KLHL12: variants seen among roughly 807,000 people sequenced by gnomAD.
KLHL12 encodes kelch-like protein 12.
Under a neutral mutation model 60.8 loss-of-function variants are expected in KLHL12, and 17 were observed. The ratio of observed to expected loss-of-function variants is 0.28; its 90% CI spans 0.19 to 0.42. The LOEUF is 0.42. Among genes scored for constraint, KLHL12 ranks in the 10% least tolerant of loss-of-function variants. The pLI is 1.00. For missense variants in KLHL12, 468 were observed against 722.3 expected (o/e 0.65, Z 4.04); for synonymous variants, 220 against 250.9 (o/e 0.88, Z 1.16).
chr1:202,919,641 A>C (rs1020070764), intron 3 of KLHL12, 114 bp downstream of exon 3: 8 of 973,770 alleles, frequency 8.2e-6, no homozygotes, highest in African/African-American at 1.7e-5. Context: ...TGGCCAGCAA[A>C]CATGAACATC....
chr1:202,892,800 G>A (rs1659718736), intron 11 of KLHL12, 141 bp from the exon 12 acceptor site: 1 of 723,344 alleles, frequency 1.4e-6, no homozygotes, highest in Non-Finnish European at 2.2e-6. Context: ...GGGCAACATG[G>A]TGAGACCCTG....
upstream of KLHL12, among the ~76,000 whole-genome samples, chr1:202,927,849 G>C (rs190288612): frequency 4.0e-3 from 611 of 151,470 alleles, 4 homozygotes; most frequent in African/African-American, 0.013. Context: ...GGGCGTTGTG[G>C]CACGCGCCTG....
chr1:202,896,806 T>C, intron 7 of KLHL12, 48 bp downstream of exon 7: 1 of 1,363,168 alleles, frequency 7.3e-7, no homozygotes, highest in Non-Finnish European at 1.1e-6. Flanking sequence ...AGGCAGAGAC[T>C]GAGGACATTT....
chr1:202,915,171 G>C (rs1660487221), intron 4 of KLHL12, among the ~76,000 whole-genome samples: 1 of 152,130 alleles, frequency 6.6e-6, no homozygotes, highest in Non-Finnish European at 1.5e-5. Flanking sequence ...GAACAGTCCT[G>C]TGTACTCAGC....
At chr1:202,912,251 G>C (rs1660385275) in intron 4 of KLHL12, 1 of 1,104,754 alleles carries the variant, frequency 9.1e-7, no homozygotes, top group South Asian at 1.2e-5. Context: ...GCAAGAAAAG[G>C]GGCTTTGCCT....
chr1:202,907,213 A>C (rs1359604500), intron 6 of KLHL12, among the ~76,000 whole-genome samples: 1 of 152,200 alleles, frequency 6.6e-6, no homozygotes, highest in Non-Finnish European at 1.5e-5. Context: ...AGTATCTTTG[A>C]GTGGTAAGAT....
intron 4 of KLHL12, chr1:202,911,767 C>A (rs996871264): frequency 1.5e-6 from 1 of 665,166 alleles, no homozygotes; most frequent in Admixed American, 2.4e-5. Context: ...TGCCTGTGGA[C>A]GCCGCCGAAG....
Position 202,927,117 on chromosome 1 carries a change from CG to C in KLHL12, c.-75del. The C allele has an allele frequency of 1.0e-6, 1 of 985,512 alleles. No homozygotes were observed. Among genetic ancestry groups the C allele is most frequent in the South Asian group, 4.7e-5 (1 of 21,284 alleles). The allele number at this position is 985,512 out of a possible 1,614,324, so 61.0% of individuals were successfully genotyped here. On this transcript the variant is annotated 5_prime_UTR_variant, in exon 1 of 12. Transcript: ENST00000367261. Reference sequence around the variant, plus strand: ...CGCTCCCGAACCCACACAGCCGCACCGGGCCCGTCCCCAGCCTGTGGGGATG... The same window carrying C: ...CGCTCCCGAACCCACACAGCCGCACCGGCCCGTCCCCAGCCTGTGGGGATG...
chr1:202,910,963 G>C (rs1377449726), intron 5 of KLHL12, 91 bp downstream of exon 5: 1 of 1,414,586 alleles, frequency 7.1e-7, no homozygotes, highest in African/African-American at 1.4e-5. Flanking sequence ...AGGAGACTCT[G>C]TGCCTACATT....
At position 202,899,205 on chromosome 1, in the gene KLHL12, C is replaced by T. The variant is rs139186973; in HGVS notation, c.833-2245G>A. Among the ~76,000 whole-genome samples, 627 of 151,866 alleles carry T rather than the reference C, an allele frequency of 4.1e-3. 3 individuals carry two copies. The highest frequency in any genetic ancestry group is 0.015 in the African/African-American group (601 of 41,392). The stretch of plus-strand genomic sequence containing the variant: ...GCGCACACCTGAAATCCCAACTACT[C>T]GGGTGGCTCAGGCATGAGAATGCTT... On this transcript the variant is annotated intron_variant, in intron 6 of 11. Transcript: ENST00000367261.
chr1:202,926,093 A>C (rs1458757966), intron 1 of KLHL12, among the ~76,000 whole-genome samples: 1 of 148,314 alleles, frequency 6.7e-6, no homozygotes, highest in Non-Finnish European at 1.5e-5. Context: ...CAACAGAGCG[A>C]GACTCTGTCT....
chr1:202,915,842 C>A (rs75132116), intron 4 of KLHL12, among the ~76,000 whole-genome samples: 370 of 152,324 alleles, frequency 2.4e-3, no homozygotes, highest in African/African-American at 8.5e-3. Context: ...AGAATGGAAG[C>A]TCCAGTGGAC....
Position 202,911,168 on chromosome 1 carries a change from G to A in KLHL12, c.603C>T (p.Ile201=), listed in dbSNP as rs1660342834. The A allele has an allele frequency of 1.2e-6, 2 of 1,613,950 alleles. No homozygotes were observed. Among genetic ancestry groups the A allele is most frequent in the African/African-American group, 1.3e-5 (1 of 74,908 alleles). Residue 201 remains isoleucine (I), a synonymous_variant, in exon 5 of 12, where the codon ATC becomes ATT. Coordinates refer to ENST00000367261, the MANE Select transcript of KLHL12 (RefSeq NM_021633.4). ...CTTTCTTGGCATGCTTCACCCAGTT[G>A]ATGACAGCCTCAAAGACTGGCTCTT... is the stretch of plus-strand genomic sequence containing the variant. The part of the protein sequence containing the change: ...DSEEPVFEAV[I]NWVKHAKKER...
Position 202,919,871 on chromosome 1 carries a change from C to A in KLHL12, c.233G>T (p.Gly78Val). 1 of 1,613,826 alleles carries A rather than the reference C, an allele frequency of 6.2e-7. No homozygotes were observed. The highest frequency in any genetic ancestry group is 8.5e-7 in the Non-Finnish European group (1 of 1,179,892). Residue 78 changes from glycine to valine, a missense_variant, in exon 3 of 12, where the codon GGT (glycine) becomes GTT (valine). Transcript: ENST00000367261. The stretch of plus-strand genomic sequence containing the variant: ...AATTTCCATGGTAGAGGCAGTCAAA[C>A]CTTGGATGTCAACATAAGGTTTCCC... ...EKGKPYVDIQGLTASTMEILL... is the reference protein window; with the variant it reads ...EKGKPYVDIQVLTASTMEILL...
intron 4 of KLHL12, among the ~76,000 whole-genome samples, chr1:202,914,349 A>G (rs563991411): frequency 1.3e-5 from 2 of 152,320 alleles, no homozygotes; most frequent in South Asian, 4.1e-4. Flanking sequence ...GAGCCACTGG[A>G]GAAATACTTG....
intron 1 of KLHL12, among the ~76,000 whole-genome samples, chr1:202,925,739 A>G (rs1238545025): frequency 6.6e-6 from 1 of 152,234 alleles, no homozygotes; most frequent in Admixed American, 6.5e-5. Context: ...CTCAGTAAAA[A>G]TAAACTTTTT....
chr1:202,927,413 T>C (rs1249483222), upstream of KLHL12, among the ~76,000 whole-genome samples: 1 of 149,686 alleles, frequency 6.7e-6, no homozygotes, highest in Non-Finnish European at 1.5e-5. Flanking sequence ...CAGGGAATGG[T>C]GGCTCACGCC....
At chr1:202,915,458 G>C (rs1557997178) in intron 4 of KLHL12, among the ~76,000 whole-genome samples, 1 of 152,096 alleles carries the variant, frequency 6.6e-6, no homozygotes, top group Non-Finnish European at 1.5e-5. Flanking sequence ...GCAAAGGGCA[G>C]TCTTGACACA....
chr1:202,904,160 A>G (rs1350089072), intron 6 of KLHL12, among the ~76,000 whole-genome samples: 2 of 151,812 alleles, frequency 1.3e-5, no homozygotes, highest in Non-Finnish European at 1.5e-5. Context: ...ATGTGCCACC[A>G]AGCCCGGCTA....
Sources: gnomAD v4.1 joint callset for allele counts (sites outside exome capture counted in the v4.1 genomes callset) on GRCh38, gnomAD v4.1.1 for gene constraint, MANE v1.5 for transcripts, NCBI Gene and HGNC (gene_info 2026-07-23, HGNC 2026-07-21) for gene names.